Variants in MED7 observed in about 807,000 individuals in gnomAD.
MED7 encodes mediator complex subunit 7.
Under a neutral mutation model 16.6 loss-of-function variants are expected in MED7, and 7 were observed. The ratio of observed to expected loss-of-function variants is 0.42; its 90% CI spans 0.24 to 0.79. MED7 has a LOEUF of 0.79. Among genes scored for constraint, MED7 ranks in the 30% least tolerant of loss-of-function variants. The pLI, the probability that MED7 is intolerant of heterozygous loss-of-function variation, is 0.27. For synonymous variants in MED7, 88 were observed against 90.5 expected, an observed-to-expected ratio of 0.97 and a Z score of 0.16; for missense variants, 240 against 286.3, an observed-to-expected ratio of 0.84 and a Z score of 1.17.
Position 157,139,081 on chromosome 5 carries a change from T to C in MED7, c.351A>G (p.Val117=), listed in dbSNP as rs762948248. The change falls in exon 2 of 2, where the codon GTA becomes GTG. Residue 117 remains valine (V), a synonymous_variant. Coordinates refer to ENST00000286317, the MANE Select transcript of MED7 (RefSeq NM_004270.5). ...EKLEDLKLLF[V]HVHHLINEYR... Reference sequence around the variant, plus strand: ...ATTCATTTATAAGATGATGCACGTGTACAAAAAGCAGCTTAAGATCTTCTA... The same window carrying C: ...ATTCATTTATAAGATGATGCACGTGCACAAAAAGCAGCTTAAGATCTTCTA... The C allele has an allele frequency of 2.5e-6, 4 of 1,613,880 alleles. No individual in the cohort carries two copies. In the Admixed American group the frequency reaches 6.7e-5, roughly 27 times the overall value.
intron 1 of MED7, among the ~76,000 whole-genome samples, chr5:157,140,418 C>A (rs542976320): frequency 6.6e-6 from 1 of 152,306 alleles, no homozygotes; most frequent in South Asian, 2.1e-4. Flanking sequence ...CTACCTTAAG[C>A]CTAGGTATAC....
Position 157,138,442 on chromosome 5 carries a change from G to A in MED7, c.*288C>T, listed in dbSNP as rs768405631. ...CAAAGACGAAAACTTTGCTATTATT[G>A]AGGTTATCATCAAAGTTTTACTGCA... On this transcript the variant is annotated 3_prime_UTR_variant, in exon 2 of 2. Coordinates refer to ENST00000286317, the MANE Select transcript of MED7 (RefSeq NM_004270.5). 31 of 291,804 alleles carry A rather than the reference G, an allele frequency of 1.1e-4. No homozygotes were observed. Among genetic ancestry groups the A allele is most frequent in the Non-Finnish European group, 1.6e-4 (26 of 159,254 alleles). 18.1% of individuals were successfully genotyped at this position (291,804 alleles called of 1,614,324 possible). A position where few individuals can be genotyped will look rare whatever the true frequency, so the allele number is the denominator to read the frequency against.
chr5:157,137,445 C>T lies in MED7; in HGVS notation c.*1285G>A, dbSNP rs246876. On this transcript the variant is annotated 3_prime_UTR_variant, in exon 2 of 2. Coordinates refer to ENST00000286317, the MANE Select transcript of MED7 (RefSeq NM_004270.5). Reference sequence around the variant, plus strand: ...TTTATTTTTTATTTTTCTGAACCTACGGATTATACTAAAACTTTTATTTCT... The same window carrying T: ...TTTATTTTTTATTTTTCTGAACCTATGGATTATACTAAAACTTTTATTTCT... 58,276 of 152,100 alleles carry T rather than the reference C, an allele frequency of 0.38. 13,082 individuals are homozygous for T. The highest frequency in any genetic ancestry group is 0.63 in the African/African-American group (26,328 of 41,482). The allele number at this position is 152,100 out of a possible 1,614,324, so 9.4% of individuals were successfully genotyped here.
intron 1 of MED7, 71 bp downstream of exon 1, chr5:157,142,749 G>A (rs1469655268): frequency 1.3e-5 from 2 of 152,554 alleles, no homozygotes; most frequent in Non-Finnish European, 2.9e-5. Flanking sequence ...GCCCAGCACA[G>A]AGGAAGCTGC....
At chr5:157,142,392 C>T in intron 1 of MED7, 1 of 152,386 alleles carries the variant, frequency 6.6e-6, no homozygotes, top group Non-Finnish European at 1.5e-5. Flanking sequence ...CCCTCGCCTG[C>T]CCCCATACCT....
At chr5:157,140,478 G>C (rs1478140733) in intron 1 of MED7, among the ~76,000 whole-genome samples, 1 of 151,746 alleles carries the variant, frequency 6.6e-6, no homozygotes. Context: ...TGTTATCAGA[G>C]TTTCAAGATA....
At chr5:157,141,952 G>A (rs928821329) in intron 1 of MED7, among the ~76,000 whole-genome samples, 1 of 152,170 alleles carries the variant, frequency 6.6e-6, no homozygotes, top group Admixed American at 6.5e-5. Flanking sequence ...TCAATGAGGG[G>A]AAGTGTTGCC....
intron 1 of MED7, among the ~76,000 whole-genome samples, chr5:157,141,723 G>A (rs1439819546): frequency 6.6e-6 from 1 of 151,786 alleles, no homozygotes. Flanking sequence ...TGAGTAGCTG[G>A]GGACTACAGG....
Position 157,138,782 on chromosome 5 carries a change from T to C in MED7, c.650A>G (p.Glu217Gly). The C allele has an allele frequency of 1.2e-6, 2 of 1,613,454 alleles. No individual in the cohort carries two copies. The highest frequency in any genetic ancestry group is 1.1e-5 in the South Asian group (1 of 90,878). ...TAGGACACACAAGGCAGCATCTTTC[T>C]CTATAATCTGATCTCTCCTATGACC... ...NSGHRRDQII[E>G]KDAALCVLID... is the part of the protein sequence containing the mutation. The change falls in exon 2 of 2, where the codon GAG (glutamate) becomes GGG (glycine). Residue 217 changes from glutamate to glycine, a missense_variant. By Grantham distance (98) the Glu-to-Gly change is moderately conservative. Transcript: ENST00000286317.
intron 1 of MED7, 44 bp from the exon 2 acceptor site, chr5:157,139,492 C>T (rs1757693066): frequency 1.7e-6 from 2 of 1,171,420 alleles, no homozygotes; most frequent in South Asian, 1.9e-5. Context: ...CAAGACAAAC[C>T]TGTTACATTT....
rs1265831682 is a variant in MED7 at position 157,137,719 on chromosome 5, AC to A, written c.*1010del. 4 of 152,254 alleles carry A rather than the reference AC, an allele frequency of 2.6e-5. No homozygotes were observed. Among genetic ancestry groups the A allele is most frequent in the African/African-American group, 9.7e-5 (4 of 41,450 alleles). 9.4% of individuals were successfully genotyped at this position (152,254 alleles called of 1,614,324 possible). On this transcript the variant is annotated 3_prime_UTR_variant, in exon 2 of 2. Coordinates refer to ENST00000286317, the MANE Select transcript of MED7 (RefSeq NM_004270.5). ...CTTAGTCCTCACGGTCATTCAAAGA[AC>A]CAGACTGACAATCTTTGCCATCTTC...
intron 1 of MED7, among the ~76,000 whole-genome samples, chr5:157,141,083 C>A (rs772463620): frequency 2.3e-4 from 32 of 141,216 alleles, no homozygotes; most frequent in Non-Finnish European, 3.9e-4. Flanking sequence ...CTTCAAAATA[C>A]ATTTTTTTTT....
In MED7 at chr5:157,138,024, AC is replaced by A. The variant is rs1396353586; in HGVS notation, c.*705del. ...AACCCCTTTCCCATTGTGGACTTAA[AC>A]AAGTCTGAGCTTAGCTTTAAAGAAA... On this transcript the variant is annotated 3_prime_UTR_variant, in exon 2 of 2. Coordinates refer to ENST00000286317, the MANE Select transcript of MED7 (RefSeq NM_004270.5). 6.6e-6 allele frequency: 1 copy of A among 152,202 alleles called. No homozygotes were observed. The highest frequency in any genetic ancestry group is 1.5e-5 in the Non-Finnish European group (1 of 68,032). 9.4% of individuals were successfully genotyped at this position (152,202 alleles called of 1,614,324 possible). A position where few individuals can be genotyped will look rare whatever the true frequency, so the allele number is the denominator to read the frequency against.
rs1254825276 is a variant in MED7 at position 157,138,148 on chromosome 5, A to C, written c.*582T>G. 2.0e-5 allele frequency: 3 copies of C among 152,202 alleles called. No homozygotes were observed. The highest frequency in any genetic ancestry group is 4.4e-5 in the Non-Finnish European group (3 of 68,054). 9.4% of individuals were successfully genotyped at this position (152,202 alleles called of 1,614,324 possible). A position where few individuals can be genotyped will look rare whatever the true frequency, so the allele number is the denominator to read the frequency against. On this transcript the variant is annotated 3_prime_UTR_variant, in exon 2 of 2. Transcript: ENST00000286317. ...ATTACCTGAGTGACTGGAAAAAAAA[A>C]CAACAATTTATGGGACTTCCCTGCA...
rs1043892 is a variant in MED7, at chr5:157,138,706, G to C, written c.*24C>G. 8 of 1,537,176 alleles carry C rather than the reference G, an allele frequency of 5.2e-6. No individual in the cohort carries two copies. The highest frequency in any genetic ancestry group is 2.1e-5 in the Admixed American group (1 of 48,644). On this transcript the variant is annotated 3_prime_UTR_variant, in exon 2 of 2. Transcript: ENST00000286317. ...TAATATATGATGCTATTATCAAAAG[G>C]AAAAAAAGAAAAAGAAACATCTTTC... is the stretch of plus-strand genomic sequence containing the variant.
At chr5:157,140,456 C>A (rs1186164009) in intron 1 of MED7, among the ~76,000 whole-genome samples, 1 of 152,154 alleles carries the variant, frequency 6.6e-6, no homozygotes, top group Non-Finnish European at 1.5e-5. Flanking sequence ...CTTAAGTGCT[C>A]CTTTAGATTG....
chr5:157,141,111 C>A (rs962561166), intron 1 of MED7, among the ~76,000 whole-genome samples: 1 of 152,094 alleles, frequency 6.6e-6, no homozygotes, highest in Non-Finnish European at 1.5e-5. Flanking sequence ...GACAGTGTCT[C>A]GCTCTGTCAC....
rs553257088 is a variant in MED7 at position 157,141,056 on chromosome 5, T to C, written c.-17-1608A>G. ...AAGCACAATTACCAAAATCAAAGAA[T>C]TAACAGTGATCTGGTACTTCAAAAT... On this transcript the variant is annotated intron_variant, in intron 1 of 1. Transcript: ENST00000286317. Among the ~76,000 whole-genome samples the C allele has an allele frequency of 2.6e-5, 4 of 151,938 alleles. No individual in the cohort carries two copies. The East Asian group carries it at 7.7e-4, about 29-fold the overall frequency.
chr5:157,141,121 C>T (rs1757716222), intron 1 of MED7, among the ~76,000 whole-genome samples: 2 of 152,184 alleles, frequency 1.3e-5, no homozygotes, highest in African/African-American at 4.8e-5. Flanking sequence ...CGCTCTGTCA[C>T]CCAGGTTGGA....
Sources: gnomAD v4.1 joint callset for allele counts (sites outside exome capture counted in the v4.1 genomes callset) on GRCh38, gnomAD v4.1.1 for gene constraint, MANE v1.5 for transcripts, NCBI Gene and HGNC (gene_info 2026-07-23, HGNC 2026-07-21) for gene names.